SETBP1: variants seen among roughly 807,000 people sequenced by gnomAD.
The protein encoded by SETBP1 is SET binding protein 1, also known as SET-binding protein.
SETBP1 carries 9 observed loss-of-function variants against 101.0 expected under a neutral mutation model. The observed-to-expected ratio is 0.09, with a 90% confidence interval of 0.05 to 0.16. The LOEUF is 0.16. Among genes scored for constraint, SETBP1 ranks in the 10% least tolerant of loss-of-function variants. The pLI is 1.00. For synonymous variants in SETBP1, 818 were observed against 788.5 expected, an observed-to-expected ratio of 1.04 and a Z score of -0.63; for missense variants, 1,858 against 2,033.8, an observed-to-expected ratio of 0.91 and a Z score of 1.66.
At chr18:45,036,122 A>G (rs982119455) in intron 4 of SETBP1, among the ~76,000 whole-genome samples, 1 of 152,130 alleles carries the variant, frequency 6.6e-6, no homozygotes, top group South Asian at 2.1e-4. Flanking sequence ...TCACAATGTC[A>G]GGAGATCGAG....
At chr18:44,745,555 CA>C (rs1462489330) in intron 2 of SETBP1, among the ~76,000 whole-genome samples, 2 of 152,130 alleles carry the variant, frequency 1.3e-5, no homozygotes, top group Non-Finnish European at 2.9e-5. Flanking sequence ...AAAGCTATGA[CA>C]AAAATAGAAA....
intron 4 of SETBP1, among the ~76,000 whole-genome samples, chr18:45,020,258 TAAAAAAAAAAAAAAAAAAAAAA>T (rs57134217): frequency 2.6e-4 from 14 of 53,084 alleles, no homozygotes; most frequent in East Asian, 2.0e-3. Flanking sequence ...GACTCTGTCT[TAAAAAAAAAAAAAAAAAAAAAA>T]AAAAAAAAAA....
intron 4 of SETBP1, among the ~76,000 whole-genome samples, chr18:45,034,302 C>T (rs2073352801): frequency 1.3e-5 from 2 of 152,176 alleles, no homozygotes; most frequent in African/African-American, 2.4e-5. Flanking sequence ...AGATGCAGCG[C>T]CTGCCACTGA....
At chr18:44,691,432 C>T (rs2068931454) in intron 1 of SETBP1, among the ~76,000 whole-genome samples, 1 of 151,250 alleles carries the variant, frequency 6.6e-6, no homozygotes, top group Non-Finnish European at 1.5e-5. Flanking sequence ...ACAAGTAACG[C>T]ATCAAAGCCA....
rs1257372293 is a variant in SETBP1 at position 44,989,882 on chromosome 18, AAAAAAAAAAAAAAAAAAAAAAAAAAT to A, written c.4000+36543_4000+36568del. 3.2e-5 allele frequency among the ~76,000 whole-genome samples: 4 copies of A among 126,808 alleles called. 1 individual carries two copies. Among genetic ancestry groups the A allele is most frequent in the Admixed American group, 1.6e-4 (2 of 12,654 alleles). 83.2% of individuals were successfully genotyped at this position (126,808 alleles called of 152,430 possible). ...AGACTCCGTCTCAAAAAAAAAAAAAAAAAAAAAAAAAAAAAAAAAAAAAAATTTATCTAAGTGGACACACTGTAATC... is the reference window on the plus strand; with the variant it reads ...AGACTCCGTCTCAAAAAAAAAAAAAATTATCTAAGTGGACACACTGTAATC... On this transcript the variant is annotated intron_variant, in intron 4 of 5. Transcript: ENST00000649279.
chr18:45,048,110 C>A lies in SETBP1; in HGVS notation c.4171+9455C>A, dbSNP rs536513812. Among the ~76,000 whole-genome samples, 6 of 152,322 alleles carry A rather than the reference C, an allele frequency of 3.9e-5. No individual in the cohort carries two copies. In the East Asian group the frequency reaches 1.2e-3, roughly 29 times the overall value. ...CAGAAACTTGGACTCTTTCTGGCCA[C>A]CACATTGAGGCAGAGTGGAACTGGA... On this transcript the variant is annotated intron_variant, in intron 5 of 5. Coordinates refer to ENST00000649279, the MANE Select transcript of SETBP1 (RefSeq NM_015559.3).
chr18:44,699,134 T>C (rs756626646), intron 1 of SETBP1, among the ~76,000 whole-genome samples: 5 of 152,196 alleles, frequency 3.3e-5, no homozygotes, highest in Non-Finnish European at 5.9e-5. Context: ...TTTAGGAAAT[T>C]TGTATGTATA....
chr18:44,897,402 C>A (rs896737585), intron 3 of SETBP1, among the ~76,000 whole-genome samples: 7 of 151,950 alleles, frequency 4.6e-5, no homozygotes, highest in Non-Finnish European at 1.0e-4. Flanking sequence ...GTGAGTCGAA[C>A]ATATGGAGGC....
intron 4 of SETBP1, among the ~76,000 whole-genome samples, chr18:44,965,003 A>G (rs2071690674): frequency 6.6e-6 from 1 of 152,206 alleles, no homozygotes; most frequent in African/African-American, 2.4e-5. Context: ...AGATTGTGCT[A>G]TTTAACTAAA....
In SETBP1 at chr18:44,868,712, G is replaced by GAGGA. The variant is rs67399583; in HGVS notation, c.487-460_487-457dup. On this transcript the variant is annotated intron_variant, in intron 2 of 5. Coordinates refer to ENST00000649279, the MANE Select transcript of SETBP1 (RefSeq NM_015559.3). ...AGAGAGAGAGAGGACGGAAGGAAGG[G>GAGGA]AGGAAGGAAGGAAGGAAGGAAGGAA... Among the ~76,000 whole-genome samples the GAGGA allele has an allele frequency of 2.0e-3, 57 of 27,868 alleles. 1 individual carries two copies. The highest frequency in any genetic ancestry group is 0.012 in the East Asian group (15 of 1,262). 18.3% of individuals were successfully genotyped at this position (27,868 alleles called of 152,430 possible).
intron 4 of SETBP1, among the ~76,000 whole-genome samples, chr18:45,029,349 C>T (rs1345715474): frequency 2.0e-5 from 3 of 151,888 alleles, no homozygotes; most frequent in Non-Finnish European, 4.4e-5. Flanking sequence ...TCTGAGGGCT[C>T]TGTTCTGTTC....
In SETBP1 at chr18:44,953,001, G is replaced by T; in HGVS notation, c.3661G>T (p.Ala1221Ser). The T allele has an allele frequency of 6.2e-7, 1 of 1,614,162 alleles. No homozygotes were observed. Among genetic ancestry groups the T allele is most frequent in the Non-Finnish European group, 8.5e-7 (1 of 1,180,034 alleles). The change falls in exon 4 of 6, where the codon GCT becomes TCT. Residue 1221 changes from alanine to serine, a missense_variant. By Grantham distance (99) the Ala-to-Ser change is moderately conservative. Around this residue, in one of 12 missense-constraint regions of SETBP1, gnomAD observed 417 missense variants for 389.1 expected, o/e 1.07. Coordinates refer to ENST00000649279, the MANE Select transcript of SETBP1 (RefSeq NM_015559.3). ...KHQHSEAGHK[A>S]SKNNFEVDTL... ...CCAGCACAGCGAAGCCGGCCACAAA[G>T]CTTCTAAGAACAACTTTGAGGTGGA...
chr18:44,693,528 G>A (rs998022710), intron 1 of SETBP1, among the ~76,000 whole-genome samples: 1 of 152,088 alleles, frequency 6.6e-6, no homozygotes, highest in African/African-American at 2.4e-5. Context: ...TAACTCCAGG[G>A]GAGCAAGAGG....
At chr18:44,814,070 T>C (rs2071922442) in intron 2 of SETBP1, among the ~76,000 whole-genome samples, 1 of 151,910 alleles carries the variant, frequency 6.6e-6, no homozygotes, top group African/African-American at 2.4e-5. Flanking sequence ...AGGCAAAAAA[T>C]AACCTGAGAA....
At chr18:44,803,334 C>T (rs754826490) in intron 2 of SETBP1, among the ~76,000 whole-genome samples, 1 of 152,124 alleles carries the variant, frequency 6.6e-6, no homozygotes, top group Non-Finnish European at 1.5e-5. Context: ...GGTAGTAAAA[C>T]GTTTCTTCAG....
chr18:44,926,493 G>A (rs1368144440), intron 3 of SETBP1, among the ~76,000 whole-genome samples: 1 of 152,156 alleles, frequency 6.6e-6, no homozygotes, highest in African/African-American at 2.4e-5. Flanking sequence ...TGACACAGTG[G>A]TCCCTCAGGG....
chr18:44,861,242 T>C (rs1489885164), intron 2 of SETBP1, among the ~76,000 whole-genome samples: 49 of 134,350 alleles, frequency 3.6e-4, no homozygotes, highest in African/African-American at 1.4e-3. Context: ...TTTTTTTTTT[T>C]TTTTTTTTTT....
Position 44,803,156 on chromosome 18 carries a change from G to A in SETBP1, c.487-66074G>A, listed in dbSNP as rs141336543. 1.6e-3 allele frequency among the ~76,000 whole-genome samples: 243 copies of A among 152,258 alleles called. 3 individuals carry two copies. Among genetic ancestry groups the A allele is most frequent in the Middle Eastern group, 3.4e-3 (1 of 294 alleles). On this transcript the variant is annotated intron_variant, in intron 2 of 5. Coordinates refer to ENST00000649279, the MANE Select transcript of SETBP1 (RefSeq NM_015559.3). ...GGGAAGGGACATCCTTAGGAACCGA[G>A]AGTAATGACTTTGGTCTTCTGAAAG...
chr18:44,910,618 G>C (rs1470785967), intron 3 of SETBP1, among the ~76,000 whole-genome samples: 2 of 152,164 alleles, frequency 1.3e-5, no homozygotes, highest in African/African-American at 2.4e-5. Context: ...TTATTGGAAG[G>C]CCTTAACATC....
Sources: gnomAD v4.1 joint callset for allele counts (sites outside exome capture counted in the v4.1 genomes callset) on GRCh38, gnomAD v4.1.1 for gene constraint, gnomAD v4.1.1 regional missense constraint, MANE v1.5 for transcripts, NCBI Gene and HGNC (gene_info 2026-07-23, HGNC 2026-07-21) for gene names.